ERC2: variants seen among roughly 807,000 people sequenced by gnomAD.
ERC2 encodes the protein ERC protein 2.
ERC2 carries 42 observed loss-of-function variants against 114.8 expected under a neutral mutation model. The ratio of observed to expected loss-of-function variants is 0.37; its 90% CI spans 0.29 to 0.47. The LOEUF is 0.47. ERC2 is among the 20% of genes least tolerant of loss of function. The pLI, the probability that ERC2 is intolerant of heterozygous loss-of-function variation, is 0.99. For synonymous variants in ERC2, 454 were observed against 425.5 expected (o/e 1.07, Z -0.82); for missense variants, 939 against 1,150.7 (o/e 0.82, Z 2.66).
intron 17 of ERC2, among the ~76,000 whole-genome samples, chr3:55,559,120 C>T (rs1286571777): frequency 6.6e-6 from 1 of 152,170 alleles, no homozygotes; most frequent in East Asian, 1.9e-4. Context: ...GCCTTTTAAC[C>T]AGTTTTCCCT....
At chr3:55,622,857 T>G (rs963465462) in intron 17 of ERC2, among the ~76,000 whole-genome samples, 2 of 152,024 alleles carry the variant, frequency 1.3e-5, no homozygotes, top group African/African-American at 2.4e-5. Context: ...CCATCTGCCA[T>G]GCAAACGTCA....
chr3:55,684,031 C>T (rs779957390), intron 16 of ERC2, among the ~76,000 whole-genome samples, 172 bp from the exon 17 acceptor site: 2 of 151,976 alleles, frequency 1.3e-5, no homozygotes, highest in Non-Finnish European at 2.9e-5. Flanking sequence ...TCCACATCAC[C>T]GACTTGTCAA....
intron 3 of ERC2, among the ~76,000 whole-genome samples, chr3:56,262,018 T>C (rs1322082306): frequency 6.6e-6 from 1 of 152,194 alleles, no homozygotes; most frequent in African/African-American, 2.4e-5. Context: ...TCCAGCTCCA[T>C]CCATGTCCTT....
chr3:55,509,679 A>C lies in ERC2; in HGVS notation c.*1637T>G, dbSNP rs550612991. 6.6e-6 allele frequency: 1 copy of C among 152,614 alleles called. No homozygotes were observed. Among genetic ancestry groups the C allele is most frequent in the Non-Finnish European group, 1.5e-5 (1 of 68,024 alleles). The allele number at this position is 152,614 out of a possible 1,614,324, so 9.5% of individuals were successfully genotyped here. A position where few individuals can be genotyped will look rare whatever the true frequency, so the allele number is the denominator to read the frequency against. On this transcript the variant is annotated 3_prime_UTR_variant, in exon 18 of 18. Coordinates refer to ENST00000288221, the MANE Select transcript of ERC2 (RefSeq NM_015576.3). ...AGGGACGGTTTCATCTTCCCCGACAAATAAGGTGTTTGTCTTTTAAATATC... is the reference window on the plus strand; with the variant it reads ...AGGGACGGTTTCATCTTCCCCGACACATAAGGTGTTTGTCTTTTAAATATC...
At chr3:56,066,497 T>C (rs2076488398) in intron 7 of ERC2, among the ~76,000 whole-genome samples, 1 of 152,206 alleles carries the variant, frequency 6.6e-6, no homozygotes, top group South Asian at 2.1e-4. Flanking sequence ...TCTCCCATTC[T>C]GTAGGTTGTC....
At chr3:55,793,451 C>T (rs978515802) in intron 14 of ERC2, among the ~76,000 whole-genome samples, 1 of 152,060 alleles carries the variant, frequency 6.6e-6, no homozygotes, top group African/African-American at 2.4e-5. Flanking sequence ...TAAGAGTAAG[C>T]AGAAAAGATA....
chr3:56,109,450 CT>C (rs2149824242), intron 6 of ERC2, among the ~76,000 whole-genome samples: 1 of 152,232 alleles, frequency 6.6e-6, no homozygotes, highest in South Asian at 2.1e-4. Context: ...GATTCCATGT[CT>C]TTGCTATTGT....
At chr3:56,151,978 A>G (rs1023232036) in intron 4 of ERC2, among the ~76,000 whole-genome samples, 1 of 152,234 alleles carries the variant, frequency 6.6e-6, no homozygotes, top group Non-Finnish European at 1.5e-5. Flanking sequence ...CTGATATTTT[A>G]AAACAATATA....
At chr3:55,816,209 T>A (rs1225078366) in intron 14 of ERC2, among the ~76,000 whole-genome samples, 1 of 151,610 alleles carries the variant, frequency 6.6e-6, no homozygotes, top group Non-Finnish European at 1.5e-5. Context: ...TTTAAGCGTG[T>A]ATCGGATGGG....
At chr3:56,451,977 T>C (rs2062845369) in intron 1 of ERC2, among the ~76,000 whole-genome samples, 1 of 152,234 alleles carries the variant, frequency 6.6e-6, no homozygotes, top group African/African-American at 2.4e-5. Context: ...AAAAAGAGTG[T>C]AGTAACAGAC....
chr3:55,947,949 T>G, intron 13 of ERC2, among the ~76,000 whole-genome samples: 1 of 152,212 alleles, frequency 6.6e-6, no homozygotes, highest in East Asian at 1.9e-4. Context: ...AGTTTGCAAT[T>G]TCTGTCGGAA....
At chr3:56,443,442 AC>A (rs2062412110) in intron 1 of ERC2, among the ~76,000 whole-genome samples, 1 of 152,152 alleles carries the variant, frequency 6.6e-6, no homozygotes. Context: ...GGACCATTTC[AC>A]CCCCGGCTGC....
At chr3:55,786,786 A>G (rs1337143791) in intron 14 of ERC2, among the ~76,000 whole-genome samples, 1 of 152,046 alleles carries the variant, frequency 6.6e-6, no homozygotes, top group Non-Finnish European at 1.5e-5. Context: ...CCATGGCTGG[A>G]ATGGAGGATG....
intron 17 of ERC2, chr3:55,610,653 G>C (rs956128403): frequency 2.0e-5 from 3 of 152,270 alleles, no homozygotes; most frequent in African/African-American, 7.2e-5. Flanking sequence ...GCTGCAGTGA[G>C]CCCTGATGGT....
chr3:55,968,047 A>G (rs533827709), intron 12 of ERC2, among the ~76,000 whole-genome samples: 2 of 152,346 alleles, frequency 1.3e-5, no homozygotes, highest in Non-Finnish European at 2.9e-5. Context: ...ATTCAAAAAT[A>G]AAGTGTCAAA....
chr3:55,876,176 C>G (rs1186678501), intron 14 of ERC2, among the ~76,000 whole-genome samples: 1 of 152,194 alleles, frequency 6.6e-6, no homozygotes, highest in East Asian at 1.9e-4. Flanking sequence ...GACATGGATC[C>G]TTTTGAAATA....
chr3:56,410,226 T>C (rs2060889375), intron 2 of ERC2, among the ~76,000 whole-genome samples: 1 of 152,238 alleles, frequency 6.6e-6, no homozygotes, highest in Non-Finnish European at 1.5e-5. Context: ...AGCAAACTGA[T>C]CTTAATTTAT....
chr3:56,461,926 A>G, intron 1 of ERC2, among the ~76,000 whole-genome samples: 1 of 152,322 alleles, frequency 6.6e-6, no homozygotes, highest in East Asian at 1.9e-4. Context: ...TAAAGAGAAG[A>G]AAAAAAGGAG....
At chr3:56,399,350 A>C (rs2060435042) in intron 2 of ERC2, among the ~76,000 whole-genome samples, 1 of 152,220 alleles carries the variant, frequency 6.6e-6, no homozygotes, top group African/African-American at 2.4e-5. Flanking sequence ...CATGCAGGGA[A>C]GGATGCAAGC....
Sources: gnomAD v4.1 joint callset for allele counts (sites outside exome capture counted in the v4.1 genomes callset) on GRCh38, gnomAD v4.1.1 for gene constraint, MANE v1.5 for transcripts, NCBI Gene and HGNC (gene_info 2026-07-23, HGNC 2026-07-21) for gene names.